TACR1: variants seen among roughly 807,000 people sequenced by gnomAD.
The protein encoded by TACR1 is substance-P receptor.
In TACR1, 25 loss-of-function variants were observed where a neutral mutation model predicts 35.8. The ratio of observed to expected loss-of-function variants is 0.70; its 90% confidence interval spans 0.51 to 0.98. The LOEUF (loss-of-function observed/expected upper bound fraction) is 0.98, where lower values mean the gene tolerates loss of function less well. TACR1 is among the 50% of genes least tolerant of loss of function. The pLI is 0.00. For synonymous variants in TACR1, 195 were observed against 206.7 expected (o/e 0.94, Z 0.48); for missense variants, 478 against 522.9 (o/e 0.91, Z 0.84).
rs35547135 is a variant in TACR1 at position 75,186,233 on chromosome 2, T to G, written c.389+12313A>C. ...CTAAAAATACAAAAATTAGCTGGGTTTGGTGGCTCGCGCCTGTAATCCCAG... is the reference window on the plus strand; with the variant it reads ...CTAAAAATACAAAAATTAGCTGGGTGTGGTGGCTCGCGCCTGTAATCCCAG... On this transcript the variant is annotated intron_variant, in intron 1 of 4. Transcript: ENST00000305249. Among the ~76,000 whole-genome samples the G allele has an allele frequency of 4.1e-3, 616 of 151,408 alleles. 1 individual carries two copies. The highest frequency in any genetic ancestry group is 6.2e-3 in the Non-Finnish European group (422 of 67,748).
chr2:75,119,825 C>A (rs1673931046), intron 2 of TACR1, among the ~76,000 whole-genome samples: 1 of 152,078 alleles, frequency 6.6e-6, no homozygotes, highest in South Asian at 2.1e-4. Flanking sequence ...AAGGGGAATC[C>A]TTATCTCAAG....
intron 1 of TACR1, among the ~76,000 whole-genome samples, chr2:75,178,070 G>C (rs1675469715): frequency 6.6e-6 from 1 of 151,910 alleles, no homozygotes; most frequent in African/African-American, 2.4e-5. Flanking sequence ...CTTCCCTCTA[G>C]ATCCAGAAGA....
At chr2:75,172,612 C>A (rs556724280) in intron 1 of TACR1, among the ~76,000 whole-genome samples, 219 of 152,154 alleles carry the variant, frequency 1.4e-3, no homozygotes, top group African/African-American at 4.9e-3. Flanking sequence ...CTCCCCAGGA[C>A]AAGAGGCTCT....
At chr2:75,124,803 G>T (rs969624008) in intron 1 of TACR1, among the ~76,000 whole-genome samples, 1 of 152,210 alleles carries the variant, frequency 6.6e-6, no homozygotes, top group African/African-American at 2.4e-5. Flanking sequence ...TAGTTTACAG[G>T]AAGCGAAGAG....
chr2:75,101,327 C>T (rs1056734766), intron 2 of TACR1, among the ~76,000 whole-genome samples: 2 of 152,048 alleles, frequency 1.3e-5, no homozygotes, highest in African/African-American at 2.4e-5. Flanking sequence ...TCAAGACTTT[C>T]CATATTAGTA....
chr2:75,054,744 CTAA>C (rs950970440), intron 2 of TACR1, among the ~76,000 whole-genome samples: 6 of 151,520 alleles, frequency 4.0e-5, no homozygotes, highest in Non-Finnish European at 5.9e-5. Context: ...CTCAGAATTC[CTAA>C]TAATAATAAT....
chr2:75,102,355 C>T (rs1673548214), intron 2 of TACR1, among the ~76,000 whole-genome samples: 1 of 152,144 alleles, frequency 6.6e-6, no homozygotes, highest in African/African-American at 2.4e-5. Flanking sequence ...TACTTTAAAC[C>T]ACTAAGTTTC....
At chr2:75,089,088 G>A (rs956126516) in intron 2 of TACR1, among the ~76,000 whole-genome samples, 3 of 152,164 alleles carry the variant, frequency 2.0e-5, no homozygotes, top group African/African-American at 7.2e-5. Context: ...TTCACCATAT[G>A]TGCTGCCCTT....
chr2:75,137,719 T>A (rs1364261004), intron 1 of TACR1, among the ~76,000 whole-genome samples: 2 of 95,704 alleles, frequency 2.1e-5, no homozygotes, highest in Non-Finnish European at 3.7e-5. Context: ...ACAGAGAGAG[T>A]CTCCGTCTCA....
chr2:75,072,608 G>A (rs899940245), intron 2 of TACR1, among the ~76,000 whole-genome samples: 2 of 152,232 alleles, frequency 1.3e-5, no homozygotes, highest in African/African-American at 4.8e-5. Flanking sequence ...GGCACCTGGA[G>A]GGTTCTTTGG....
At chr2:75,088,130 A>G (rs1159010363) in intron 2 of TACR1, among the ~76,000 whole-genome samples, 4 of 152,086 alleles carry the variant, frequency 2.6e-5, no homozygotes, top group Non-Finnish European at 4.4e-5. Flanking sequence ...GACTCAAACC[A>G]TCCATGTAGC....
intron 1 of TACR1, among the ~76,000 whole-genome samples, chr2:75,172,886 G>A (rs1242453834): frequency 2.0e-5 from 3 of 151,924 alleles, no homozygotes; most frequent in Non-Finnish European, 2.9e-5. Context: ...CCTTCTCCCC[G>A]TATCTCTTCA....
intron 2 of TACR1, among the ~76,000 whole-genome samples, chr2:75,062,544 C>T (rs995310302): frequency 1.3e-5 from 2 of 152,120 alleles, no homozygotes; most frequent in Non-Finnish European, 2.9e-5. Context: ...AGTTATTTAG[C>T]TAGTCTTCTA....
rs1379137552 is a variant in TACR1 at position 75,106,529 on chromosome 2, TA to T, written c.584+14044del. On this transcript the variant is annotated intron_variant, in intron 2 of 4. Coordinates refer to ENST00000305249, the MANE Select transcript of TACR1 (RefSeq NM_001058.4). The stretch of plus-strand genomic sequence containing the variant: ...ACTTTGAGAATGCTGACATATATTG[TA>T]GAACACACAGGTTATAAACTCCAGG... Among the ~76,000 whole-genome samples the T allele has an allele frequency of 8.5e-5, 13 of 152,134 alleles. No individual in the cohort carries two copies. The East Asian group carries it at 2.5e-3, about 29-fold the overall frequency.
intron 1 of TACR1, among the ~76,000 whole-genome samples, chr2:75,141,100 G>T (rs921882876): frequency 7.2e-5 from 11 of 152,002 alleles, no homozygotes; most frequent in African/African-American, 2.7e-4. Flanking sequence ...GGTCTCATTG[G>T]GCAACACATA....
At chr2:75,053,555 A>G (rs1283932281) in intron 3 of TACR1, 50 bp downstream of exon 3, 3 of 1,464,756 alleles carry the variant, frequency 2.0e-6, no homozygotes, top group African/African-American at 1.4e-5. Context: ...CCTTCTCGAC[A>G]GCCTGTTGTC....
intron 2 of TACR1, among the ~76,000 whole-genome samples, chr2:75,069,318 A>G (rs543948025): frequency 1.1e-5 from 1 of 88,492 alleles, no homozygotes; most frequent in South Asian, 4.3e-4. Flanking sequence ...GTATATGTAT[A>G]TCTATATCTA....
chr2:75,152,273 A>G (rs1003402194), intron 1 of TACR1, among the ~76,000 whole-genome samples: 1 of 152,140 alleles, frequency 6.6e-6, no homozygotes, highest in Admixed American at 6.5e-5. Flanking sequence ...TCCCTACCCA[A>G]ACCTCAATTT....
At position 75,047,997 on chromosome 2, in the gene TACR1, A is replaced by G. The variant is rs1322534176; in HGVS notation, c.*1435T>C. ...AGAAAAAAAAACAAAACAAAACTGC[A>G]TGCTCACCTTCTGGAAACTCTAAAT... On this transcript the variant is annotated 3_prime_UTR_variant, in exon 5 of 5. Transcript: ENST00000305249. 1 of 152,252 alleles carries G rather than the reference A, an allele frequency of 6.6e-6. No individual in the cohort carries two copies. Among genetic ancestry groups the G allele is most frequent in the Non-Finnish European group, 1.5e-5 (1 of 68,046 alleles). The allele number at this position is 152,252 out of a possible 1,614,324, so 9.4% of individuals were successfully genotyped here. A position where few individuals can be genotyped will look rare whatever the true frequency, so the allele number is the denominator to read the frequency against.
Sources: gnomAD v4.1 joint callset for allele counts (sites outside exome capture counted in the v4.1 genomes callset) on GRCh38, gnomAD v4.1.1 for gene constraint, MANE v1.5 for transcripts, NCBI Gene and HGNC (gene_info 2026-07-23, HGNC 2026-07-21) for gene names.